ZNF780A: variants seen among roughly 807,000 people sequenced by gnomAD.
ZNF780A encodes the protein zinc finger protein 780A.
ZNF780A carries 40 observed loss-of-function variants against 56.7 expected under a neutral mutation model. The observed-to-expected ratio is 0.71, with a 90% CI of 0.55 to 0.92. The LOEUF (loss-of-function observed/expected upper bound fraction) is 0.92. ZNF780A is among the 40% of genes least tolerant of loss of function. The pLI, the probability that ZNF780A is intolerant of heterozygous loss-of-function variation, is 0.00. For missense variants in ZNF780A, 672 were observed against 783.3 expected (o/e 0.86, Z 1.70); for synonymous variants, 231 against 248.3 (o/e 0.93, Z 0.66).
chr19:40,076,329 C>G (rs1330380856), intron 5 of ZNF780A, 120 bp from the exon 6 acceptor site: 2 of 1,026,990 alleles, frequency 1.9e-6, no homozygotes, highest in East Asian at 5.5e-5. Context: ...ATTTTATTAG[C>G]CAAAACCAAC....
chr19:40,074,183 A>C lies in ZNF780A; in HGVS notation c.*333T>G. On this transcript the variant is annotated 3_prime_UTR_variant, in exon 6 of 6. Transcript: ENST00000683561. Reference sequence around the variant, plus strand: ...AGGCCTTCCCACATTTCTCAAATTCAAATGGCTTCTCGCCAGTATGAATGA... The same window carrying C: ...AGGCCTTCCCACATTTCTCAAATTCCAATGGCTTCTCGCCAGTATGAATGA... The C allele has an allele frequency of 2.2e-5, 31 of 1,396,378 alleles. No homozygotes were observed. The highest frequency in any genetic ancestry group is 2.8e-5 in the Non-Finnish European group (30 of 1,062,668). The allele number at this position is 1,396,378 out of a possible 1,614,324, so 86.5% of individuals were successfully genotyped here.
chr19:40,073,024 C>T (rs774290054), downstream of ZNF780A: 53 of 1,510,652 alleles, frequency 3.5e-5, no homozygotes, highest in Admixed American at 2.0e-4. Flanking sequence ...CTTTCCTTAA[C>T]GGTAATTATG....
rs369169968 is a variant in ZNF780A, at chr19:40,075,390, T to G, written c.1052A>C (p.His351Pro). The G allele has an allele frequency of 3.7e-6, 6 of 1,614,070 alleles. No homozygotes were observed. Among genetic ancestry groups the G allele is most frequent in the African/African-American group, 1.3e-5 (1 of 74,942 alleles). Reference protein sequence around the residue: ...AFTLLTKLVRHQKIHTGEKPF... With the variant: ...AFTLLTKLVRPQKIHTGEKPF... ...TTTCTCACCAGTATGAATCTTCTGA[T>G]GTCGAACAAGCTTTGTCAGAAGAGT... The change falls in exon 6 of 6, where the codon CAT becomes CCT. Residue 351 changes from histidine (H) to proline (P), a missense_variant. Transcript: ENST00000683561.
chr19:40,078,112 C>T (rs888360144), intron 5 of ZNF780A, among the ~76,000 whole-genome samples: 6 of 146,296 alleles, frequency 4.1e-5, no homozygotes, highest in Non-Finnish European at 7.5e-5. Context: ...TAAAAAAGAA[C>T]CAAACAGAAA....
intron 5 of ZNF780A, among the ~76,000 whole-genome samples, chr19:40,080,250 T>C (rs1056950728): frequency 1.3e-5 from 2 of 152,200 alleles, no homozygotes; most frequent in Non-Finnish European, 2.9e-5. Context: ...CTCCTCAAAC[T>C]ATTCCAAAAA....
At chr19:40,089,109 A>G (rs1974981922) in intron 2 of ZNF780A, 12 of 696,218 alleles carry the variant, frequency 1.7e-5, no homozygotes, top group Non-Finnish European at 2.5e-5. Context: ...TCTATTACAC[A>G]ACAGGGTATC....
In ZNF780A at chr19:40,075,920, A is replaced by C. The variant is rs183622242; in HGVS notation, c.522T>G (p.Phe174Leu). ...PYECKECGKY[F>L]SRSANLIQHQ... is the part of the protein sequence containing the mutation. ...GCTGAATAAGATTTGCACTACGACT[A>C]AAGTATTTCCCACATTCCTTACATT... Residue 174 changes from phenylalanine to leucine, a missense_variant, in exon 6 of 6, where the codon TTT becomes TTG. Coordinates refer to ENST00000683561, the MANE Select transcript of ZNF780A (RefSeq NM_001142578.2). 6.2e-7 allele frequency: 1 copy of C among 1,614,010 alleles called. No homozygotes were observed. The highest frequency in any genetic ancestry group is 1.3e-5 in the African/African-American group (1 of 74,938).
Position 40,075,867 on chromosome 19 carries a change from G to A in ZNF780A, c.575C>T (p.Pro192Leu). The A allele has an allele frequency of 6.2e-7, 1 of 1,614,008 alleles. No homozygotes were observed. The highest frequency in any genetic ancestry group is 1.6e-4 in the Middle Eastern group (1 of 6,062). Residue 192 changes from proline (P) to leucine (L), a missense_variant, in exon 6 of 6, where the codon CCC (proline) becomes CTC (leucine). Pro to Leu is a moderately conservative substitution (Grantham distance 98). Coordinates refer to ENST00000683561, the MANE Select transcript of ZNF780A (RefSeq NM_001142578.2). ...TTTCCCACACTCCTTACATTCAAAG[G>A]GTTTCTCTCCAGTATGAATACTCTG... is the stretch of plus-strand genomic sequence containing the variant. ...QHQSIHTGEKPFECKECGKAF... is the reference protein window; with the variant it reads ...QHQSIHTGEKLFECKECGKAF...
chr19:40,075,380 A>T lies in ZNF780A; in HGVS notation c.1062T>A (p.Ile354=). The change falls in exon 6 of 6, where the codon ATT becomes ATA. Residue 354 remains isoleucine (I), a synonymous_variant. Coordinates refer to ENST00000683561, the MANE Select transcript of ZNF780A (RefSeq NM_001142578.2). ...LLTKLVRHQK[I]HTGEKPFECR... ...ATTCAAAGGGTTTCTCACCAGTATG[A>T]ATCTTCTGATGTCGAACAAGCTTTG... 1 of 1,614,168 alleles carries T rather than the reference A, an allele frequency of 6.2e-7. No homozygotes were observed. Among genetic ancestry groups the T allele is most frequent in the Non-Finnish European group, 8.5e-7 (1 of 1,180,034 alleles).
intron 2 of ZNF780A, among the ~76,000 whole-genome samples, chr19:40,086,996 C>T (rs1393816411): frequency 2.0e-5 from 3 of 152,138 alleles, no homozygotes; most frequent in Non-Finnish European, 4.4e-5. Flanking sequence ...AGCCACCGCG[C>T]CCCGCCCCAT....
chr19:40,072,848 C>A, downstream of ZNF780A: 1 of 1,529,038 alleles, frequency 6.5e-7, no homozygotes, highest in Non-Finnish European at 8.8e-7. Context: ...AAAATTTGAG[C>A]GCCTACATTC....
Position 40,074,911 on chromosome 19 carries a change from TA to T in ZNF780A, c.1530del (p.Phe510LeufsTer228). ...TGTTGGGAAAGTTGTAGGTAAAGTC[TA>T]AAAGCCTTCCCACACTCCTTACATT... ...PYECKECGKA[F>X]RLYLQLSQHQ... On this transcript the variant is annotated frameshift_variant, in exon 6 of 6. Transcript: ENST00000683561. LOFTEE classifies it high-confidence loss of function. The T allele has an allele frequency of 1.2e-6, 2 of 1,613,594 alleles. No homozygotes were observed. The highest frequency in any genetic ancestry group is 1.7e-6 in the Non-Finnish European group (2 of 1,179,888).
At chr19:40,070,849 C>T (rs1223318902), downstream of ZNF780A, 2 of 151,946 alleles carry the variant, frequency 1.3e-5, no homozygotes, top group East Asian at 1.9e-4. Flanking sequence ...AATGAGATAC[C>T]AGAATGTGCA....
At chr19:40,072,019 C>T, downstream of ZNF780A, 1 of 153,382 alleles carries the variant, frequency 6.5e-6, no homozygotes, top group Non-Finnish European at 1.5e-5. Flanking sequence ...CCCTGCACTG[C>T]AGGCCATACA....
rs777097494 is a variant in ZNF780A at position 40,075,653 on chromosome 19, G to A, written c.789C>T (p.Asn263=). 1 of 1,610,946 alleles carries A rather than the reference G, an allele frequency of 6.2e-7. No individual in the cohort carries two copies. Among genetic ancestry groups the A allele is most frequent in the Admixed American group, 1.7e-5 (1 of 59,700 alleles). ...ECGKSFNRSS[N]LVQHQSIHSG... ...AATGAATACTCTGATGTTGAACAAG[G>A]TTTGAGCTACGATTAAAGGACTTCC... The change falls in exon 6 of 6, where the codon AAC becomes AAT. Residue 263 remains asparagine (N), a synonymous_variant. Coordinates refer to ENST00000683561, the MANE Select transcript of ZNF780A (RefSeq NM_001142578.2).
intron 5 of ZNF780A, 48 bp from the exon 6 acceptor site, chr19:40,076,257 C>T: frequency 1.3e-6 from 2 of 1,498,022 alleles, no homozygotes; most frequent in Non-Finnish European, 1.8e-6. Flanking sequence ...GTATAACACA[C>T]ATGCATACAA....
At chr19:40,079,784 TG>T in intron 5 of ZNF780A, among the ~76,000 whole-genome samples, 1 of 152,082 alleles carries the variant, frequency 6.6e-6, no homozygotes, top group South Asian at 2.1e-4. Context: ...TTGAAACAAA[TG>T]AAAATCAGAA....
chr19:40,083,076 T>C (rs779869780), intron 4 of ZNF780A, 35 bp downstream of exon 4: 2 of 1,613,794 alleles, frequency 1.2e-6, no homozygotes, highest in Admixed American at 1.7e-5. Flanking sequence ...TTCCAGAAAA[T>C]AGATATAAAA....
Position 40,074,272 on chromosome 19 carries a change from G to T in ZNF780A, c.*244C>A. ...TTTCCACATTCTTTACATTCAAAGG[G>T]TTTTTTACCAGTGTGAATTTGGTAA... On this transcript the variant is annotated 3_prime_UTR_variant, in exon 6 of 6. Coordinates refer to ENST00000683561, the MANE Select transcript of ZNF780A (RefSeq NM_001142578.2). The T allele has an allele frequency of 1.4e-6, 2 of 1,481,448 alleles. No individual in the cohort carries two copies. Among genetic ancestry groups the T allele is most frequent in the Non-Finnish European group, 1.8e-6 (2 of 1,116,502 alleles). 91.8% of individuals were successfully genotyped at this position (1,481,448 alleles called of 1,614,324 possible). A position where few individuals can be genotyped will look rare whatever the true frequency, so the allele number is the denominator to read the frequency against.
Sources: allele counts gnomAD v4.1 joint callset (sites outside exome capture counted in the v4.1 genomes callset), GRCh38; gene constraint gnomAD v4.1.1; transcripts MANE v1.5; gene names NCBI Gene and HGNC (gene_info 2026-07-23, HGNC 2026-07-21).